The following ANGPTL6 variants were observed in gnomAD, a reference collection of about 807,000 sequenced individuals.
ANGPTL6 encodes the protein angiopoietin like 6.
A neutral mutation model predicts 47.4 loss-of-function variants in ANGPTL6; 45 were observed. The observed-to-expected ratio is 0.95, with a 90% CI of 0.75 to 1.22. ANGPTL6 has a LOEUF of 1.22. Ranked by LOEUF, ANGPTL6 falls within the 50% of genes most tolerant of loss-of-function variation. The probability of loss-of-function intolerance (pLI) is 0.00; values close to 1 mark genes in which losing one functional copy is unlikely to be tolerated. For missense variants in ANGPTL6, 698 were observed against 669.4 expected, an observed-to-expected ratio of 1.04 and a Z score of -0.47; for synonymous variants, 290 against 295.9, an observed-to-expected ratio of 0.98 and a Z score of 0.20.
intron 1 of ANGPTL6, among the ~76,000 whole-genome samples, chr19:10,101,417 A>T (rs1371400618): frequency 2.0e-5 from 3 of 151,992 alleles, no homozygotes; most frequent in African/African-American, 7.3e-5. Context: ...AGAATAAGGG[A>T]CACTTTCACA....
chr19:10,096,514 G>T lies in ANGPTL6; in HGVS notation c.50C>A (p.Ala17Glu). The change falls in exon 2 of 6, where the codon GCG becomes GAG. Residue 17 changes from alanine to glutamate, a missense_variant. Ala to Glu is a moderately radical substitution (Grantham distance 107). Coordinates refer to ENST00000253109, the MANE Select transcript of ANGPTL6 (RefSeq NM_031917.3). ...RALQLLLLLGASWARAGAPRC... is the reference protein window; with the variant it reads ...RALQLLLLLGESWARAGAPRC... The stretch of plus-strand genomic sequence containing the variant: ...CGGGGCGCCCGCCCGCGCCCACGAC[G>T]CGCCCAGCAGGAGCAGCAGCTGTAG... The T allele has an allele frequency of 6.6e-7, 1 of 1,513,844 alleles. No homozygotes were observed. The highest frequency in any genetic ancestry group is 8.8e-7 in the Non-Finnish European group (1 of 1,137,792). 93.8% of individuals were successfully genotyped at this position (1,513,844 alleles called of 1,614,324 possible).
Position 10,094,793 on chromosome 19 carries a change from G to A in ANGPTL6, c.728C>T (p.Pro243Leu), listed in dbSNP as rs775619610. 1.8e-5 allele frequency: 29 copies of A among 1,614,128 alleles called. No individual in the cohort carries two copies. In the African/African-American group the frequency reaches 2.4e-4, roughly 13 times the overall value. ...GGTGGGGACCGCAGGGTGACCTGCAGGCATGGGAGAAGCCATGGGCTCCTG... is the reference window on the plus strand; with the variant it reads ...GGTGGGGACCGCAGGGTGACCTGCAAGCATGGGAGAAGCCATGGGCTCCTG... ...RQQEPMASPM[P>L]AGHPAVPTKP... The change falls in exon 3 of 6, where the codon CCT becomes CTT. Residue 243 changes from proline to leucine, a missense_variant. Physicochemically the swap from Pro to Leu is moderately conservative, Grantham distance 98 (BLOSUM62 -3). Coordinates refer to ENST00000253109, the MANE Select transcript of ANGPTL6 (RefSeq NM_031917.3).
chr19:10,105,954 G>A (rs1270115589), upstream of ANGPTL6, among the ~76,000 whole-genome samples: 1 of 152,244 alleles, frequency 6.6e-6, no homozygotes, highest in Non-Finnish European at 1.5e-5. Flanking sequence ...TAAAGTGAAT[G>A]ATTGCCACAG....
In ANGPTL6 at chr19:10,092,770, G is replaced by A. The variant is rs1451113953; in HGVS notation, c.1232C>T (p.Ala411Val). 1.2e-6 allele frequency: 2 copies of A among 1,600,210 alleles called. No homozygotes were observed. The highest frequency in any genetic ancestry group is 1.1e-5 in the South Asian group (1 of 90,474). The change falls in exon 6 of 6, where the codon GCC becomes GTC. Residue 411 changes from alanine (A) to valine (V), a missense_variant. Physicochemically the swap from Ala to Val is moderately conservative, Grantham distance 64. Coordinates refer to ENST00000253109, the MANE Select transcript of ANGPTL6 (RefSeq NM_031917.3). ...RDRDSYSGNC[A>V]LYQRGGWWYH... is the part of the protein sequence containing the mutation. ...CCACCAGCCTCCCCGCTGGTACAGG[G>A]CACAGTTACCTGAGGGGAGAGAGAG...
In ANGPTL6 at chr19:10,092,596, T is replaced by C; in HGVS notation, c.1406A>G (p.Lys469Arg). The change falls in exon 6 of 6, where the codon AAG becomes AGG. Residue 469 changes from lysine (K) to arginine (R), a missense_variant. By Grantham distance (26) the Lys-to-Arg change is conservative (BLOSUM62 2). Coordinates refer to ENST00000253109, the MANE Select transcript of ANGPTL6 (RefSeq NM_031917.3). ...RKAAMLIRPL[K>R]L is the part of the protein sequence containing the mutation. ...GGACAGAGGAACACAGAGTCACAGCTTCAGGGGCCGAATGAGCATGGCGGC... is the reference window on the plus strand; with the variant it reads ...GGACAGAGGAACACAGAGTCACAGCCTCAGGGGCCGAATGAGCATGGCGGC... 6.2e-7 allele frequency: 1 copy of C among 1,604,956 alleles called. No homozygotes were observed. The highest frequency in any genetic ancestry group is 8.5e-7 in the Non-Finnish European group (1 of 1,173,282).
At position 10,093,004 on chromosome 19, in the gene ANGPTL6, C is replaced by A. The variant is rs2088431645; in HGVS notation, c.1223-225G>T. The stretch of plus-strand genomic sequence containing the variant: ...CCTATCTCCTTACCAAAGTACAAGT[C>A]ACATCTTTCCCACCTTTTCTGCAAA... On this transcript the variant is annotated intron_variant, in intron 5 of 5. Coordinates refer to ENST00000253109, the MANE Select transcript of ANGPTL6 (RefSeq NM_031917.3). The A allele has an allele frequency of 1.2e-5, 6 of 494,276 alleles. No individual in the cohort carries two copies. In the Admixed American group the frequency reaches 2.2e-4, roughly 18 times the overall value. 30.6% of individuals were successfully genotyped at this position (494,276 alleles called of 1,614,324 possible).
Position 10,093,899 on chromosome 19 carries a change from G to A in ANGPTL6, c.764-19C>T, listed in dbSNP as rs187422295. On this transcript the variant is annotated intron_variant, in intron 3 of 5. Coordinates refer to ENST00000253109, the MANE Select transcript of ANGPTL6 (RefSeq NM_031917.3). ...CACGGGCCTGTGGGCACAGGGATAG[G>A]GGGGAGGCACAGCCTGGGCTGACCA... 1.6e-5 allele frequency: 26 copies of A among 1,604,254 alleles called. 1 individual carries two copies. In the South Asian group the frequency reaches 1.8e-4, roughly 11 times the overall value.
At chr19:10,100,272 C>T (rs954617529) in intron 1 of ANGPTL6, among the ~76,000 whole-genome samples, 1 of 152,082 alleles carries the variant, frequency 6.6e-6, no homozygotes, top group Non-Finnish European at 1.5e-5. Flanking sequence ...AAGAGAGAGT[C>T]GTGCTCTGTT....
In ANGPTL6 at chr19:10,096,401, C is replaced by G. The variant is rs1475660857; in HGVS notation, c.163G>C (p.Glu55Gln). The G allele has an allele frequency of 1.2e-5, 16 of 1,309,022 alleles. No homozygotes were observed. The highest frequency in any genetic ancestry group is 1.5e-5 in the Non-Finnish European group (15 of 1,033,912). 81.1% of individuals were successfully genotyped at this position (1,309,022 alleles called of 1,614,324 possible). A position where few individuals can be genotyped will look rare whatever the true frequency, so the allele number is the denominator to read the frequency against. ...SGPASTRATP[E>Q]AANASELAAL... ...GCCAGCTCGCTGGCGTTGGCGGCCT[C>G]GGGCGTCGCCCGCGTGGATGCGGGG... is the stretch of plus-strand genomic sequence containing the variant. Residue 55 changes from glutamate to glutamine, a missense_variant, in exon 2 of 6, where the codon GAG (glutamate) becomes CAG (glutamine). Transcript: ENST00000253109.
upstream of ANGPTL6, among the ~76,000 whole-genome samples, chr19:10,103,707 T>C (rs2145189324): frequency 6.6e-6 from 1 of 151,272 alleles, no homozygotes; most frequent in Non-Finnish European, 1.5e-5. Context: ...AATTTTTAAA[T>C]TGTGATAGAA....
upstream of ANGPTL6, among the ~76,000 whole-genome samples, chr19:10,103,451 A>G (rs989406858): frequency 3.3e-5 from 5 of 151,592 alleles, no homozygotes; most frequent in African/African-American, 1.2e-4. Flanking sequence ...TTAGCTGGGC[A>G]TGGTGGCATG....
chr19:10,104,098 A>AAG (rs1555757382), upstream of ANGPTL6, among the ~76,000 whole-genome samples: 10 of 151,358 alleles, frequency 6.6e-5, no homozygotes, highest in Middle Eastern at 3.4e-3. Flanking sequence ...AAAAAAAAAA[A>AAG]AAAGAAAAGA....
In ANGPTL6 at chr19:10,096,098, G is replaced by C. The variant is rs770895499; in HGVS notation, c.466C>G (p.Arg156Gly). 5.8e-5 allele frequency: 86 copies of C among 1,490,702 alleles called. No individual in the cohort carries two copies. The highest frequency in any genetic ancestry group is 8.7e-5 in the Admixed American group (4 of 46,014). The allele number at this position is 1,490,702 out of a possible 1,614,324, so 92.3% of individuals were successfully genotyped here. A position where few individuals can be genotyped will look rare whatever the true frequency, so the allele number is the denominator to read the frequency against. The change falls in exon 2 of 6, where the codon CGG becomes GGG. Residue 156 changes from arginine to glycine, a missense_variant. Physicochemically the swap from Arg to Gly is moderately radical, Grantham distance 125. Coordinates refer to ENST00000253109, the MANE Select transcript of ANGPTL6 (RefSeq NM_031917.3). ...ASAEAQRAAA[R>G]FHQLDVKFRE... ...AACTTGACGTCCAGCTGGTGGAACCGGGCGGCTGCGCGCTGAGCCTCGGCG... is the reference window on the plus strand; with the variant it reads ...AACTTGACGTCCAGCTGGTGGAACCCGGCGGCTGCGCGCTGAGCCTCGGCG...
chr19:10,095,921 T>G, intron 2 of ANGPTL6, 61 bp downstream of exon 2: 1 of 992,154 alleles, frequency 1.0e-6, no homozygotes, highest in Non-Finnish European at 1.3e-6. Flanking sequence ...TAAGAGATCG[T>G]GGGGTTGCAA....
At chr19:10,096,741 T>TGG in intron 1 of ANGPTL6, 168 bp from the exon 2 acceptor site, 1 of 511,766 alleles carries the variant, frequency 2.0e-6, no homozygotes, top group Non-Finnish European at 3.4e-6. Flanking sequence ...GATCCCACTC[T>TGG]GGCTTCAACA....
intron 1 of ANGPTL6, among the ~76,000 whole-genome samples, chr19:10,098,092 A>G (rs1454645432): frequency 6.6e-6 from 1 of 151,484 alleles, no homozygotes; most frequent in Non-Finnish European, 1.5e-5. Flanking sequence ...GGGTCTTGCT[A>G]TGTTGCCTAG....
In ANGPTL6 at chr19:10,093,561, A is replaced by T. The variant is rs546320859; in HGVS notation, c.1010T>A (p.Leu337Gln). ...CAGCTCATGGTCCCCACGGCTGGTC[A>T]GCTGATACACGGGTTCAAGGCCCAG... ...YWLGLEPVYQLTSRGDHELLV... is the reference protein window; with the variant it reads ...YWLGLEPVYQQTSRGDHELLV... Residue 337 changes from leucine (L) to glutamine (Q), a missense_variant, in exon 5 of 6, where the codon CTG (leucine) becomes CAG (glutamine). Leu to Gln is a moderately radical substitution (Grantham distance 113). Transcript: ENST00000253109. 1.2e-6 allele frequency: 2 copies of T among 1,613,888 alleles called. No individual in the cohort carries two copies. The highest frequency in any genetic ancestry group is 2.2e-5 in the South Asian group (2 of 91,082).
rs776104766 is a variant in ANGPTL6, at chr19:10,096,141, C to T, written c.423G>A (p.Glu141=). The T allele has an allele frequency of 7.2e-7, 1 of 1,390,226 alleles. No individual in the cohort carries two copies. Among genetic ancestry groups the T allele is most frequent in the Non-Finnish European group, 9.3e-7 (1 of 1,071,278 alleles). 86.1% of individuals were successfully genotyped at this position (1,390,226 alleles called of 1,614,324 possible). A position where few individuals can be genotyped will look rare whatever the true frequency, so the allele number is the denominator to read the frequency against. The part of the protein sequence containing the change: ...EPAAALALLG[E]RVLNASAEAQ... ...CCTCGGCGGACGCGTTGAGCACGCG[C>T]TCCCCGAGCAGCGCCAGCGCCGCGG... The change falls in exon 2 of 6, where the codon GAG becomes GAA. Residue 141 remains glutamate (E), a synonymous_variant. Transcript: ENST00000253109.
chr19:10,093,199 C>T (rs2088438047), intron 5 of ANGPTL6, 150 bp downstream of exon 5: 1 of 1,112,580 alleles, frequency 9.0e-7, no homozygotes, highest in African/African-American at 1.6e-5. Flanking sequence ...GGATAAAAGT[C>T]CTGACCTTTG....
Sources: allele counts gnomAD v4.1 joint callset (sites outside exome capture counted in the v4.1 genomes callset), GRCh38; gene constraint gnomAD v4.1.1; transcripts MANE v1.5; gene names NCBI Gene and HGNC (gene_info 2026-07-23, HGNC 2026-07-21).